The following COL4A6 variants were observed in gnomAD, a reference collection of about 807,000 sequenced individuals.
The protein encoded by COL4A6 is collagen alpha-6(IV) chain.
COL4A6 carries 59 observed loss-of-function variants against 126.7 expected under a neutral mutation model. The ratio of observed to expected loss-of-function variants is 0.47; its 90% confidence interval spans 0.38 to 0.58. The LOEUF is 0.58. Among genes scored for constraint, COL4A6 ranks in the 20% least tolerant of loss-of-function variants. COL4A6 has a pLI of 0.00. For synonymous variants in COL4A6, 547 were observed against 496.6 expected (o/e 1.10, Z -1.35); for missense variants, 1,285 against 1,337.3 (o/e 0.96, Z 0.61).
intron 2 of COL4A6, among the ~76,000 whole-genome samples, chrX:108,328,596 G>A (rs1417982088): frequency 8.9e-6 from 1 of 111,938 alleles, no homozygotes; most frequent in Non-Finnish European, 1.9e-5. Context: ...AAATATTTCA[G>A]GGAGAAAAAA....
chrX:108,299,340 T>A (rs2038420959), intron 3 of COL4A6, among the ~76,000 whole-genome samples: 1 of 111,935 alleles, frequency 8.9e-6, no homozygotes. Context: ...GGCTCTGTTC[T>A]TAAAGCAAAG....
chrX:108,323,616 C>G (rs778933998), intron 2 of COL4A6, among the ~76,000 whole-genome samples: 5 of 111,855 alleles, frequency 4.5e-5, no homozygotes, highest in South Asian at 3.7e-4. Flanking sequence ...CCTGGAATAC[C>G]TTTCATGTTT....
At chrX:108,363,907 G>A (rs1569443785) in intron 2 of COL4A6, among the ~76,000 whole-genome samples, 1 of 110,648 alleles carries the variant, frequency 9.0e-6, no homozygotes, top group East Asian at 2.8e-4. Flanking sequence ...GTCTTGCTCT[G>A]TCACCCAGGC....
chrX:108,286,219 T>C (rs1357222994), intron 3 of COL4A6, among the ~76,000 whole-genome samples: 3 of 112,119 alleles, frequency 2.7e-5, no homozygotes, highest in African/African-American at 9.7e-5. Context: ...CGAAAGTATA[T>C]AGAAGTGTGG....
chrX:108,393,695 G>A (rs1440552126), intron 2 of COL4A6, among the ~76,000 whole-genome samples: 3 of 112,475 alleles, frequency 2.7e-5, no homozygotes, highest in African/African-American at 9.7e-5. Flanking sequence ...TCATAGCATG[G>A]TTGAAATTAT....
At chrX:108,217,992 A>G (rs1014505423) in intron 5 of COL4A6, among the ~76,000 whole-genome samples, 1 of 112,047 alleles carries the variant, frequency 8.9e-6, no homozygotes, top group Non-Finnish European at 1.9e-5. Context: ...CATTCTGCCA[A>G]GCAATGAAGC....
intron 2 of COL4A6, among the ~76,000 whole-genome samples, chrX:108,376,217 A>G (rs2040430358): frequency 1.8e-5 from 2 of 111,592 alleles, no homozygotes; most frequent in South Asian, 7.5e-4. Context: ...CAAGAGTGTT[A>G]TTTCTGAAGA....
chrX:108,256,663 T>C (rs1049893638), intron 3 of COL4A6, among the ~76,000 whole-genome samples: 15 of 111,176 alleles, frequency 1.3e-4, no homozygotes, highest in Non-Finnish European at 2.3e-4. Flanking sequence ...ATCAGCATCA[T>C]TTGGGAGCTT....
intron 3 of COL4A6, among the ~76,000 whole-genome samples, chrX:108,270,521 C>T (rs900178685): frequency 8.9e-6 from 1 of 112,209 alleles, no homozygotes; most frequent in African/African-American, 3.2e-5. Context: ...ATCAGGTAAC[C>T]TGGACTAATG....
chrX:108,428,231 C>A (rs1382540671), intron 2 of COL4A6, among the ~76,000 whole-genome samples: 1 of 111,946 alleles, frequency 8.9e-6, no homozygotes, highest in African/African-American at 3.2e-5. Context: ...TTGTGTTAGG[C>A]CGCATTCAAA....
chrX:108,229,898 T>C (rs1012158781), intron 3 of COL4A6, among the ~76,000 whole-genome samples: 2 of 112,069 alleles, frequency 1.8e-5, no homozygotes, highest in African/African-American at 6.5e-5. Flanking sequence ...TTCATGGCAG[T>C]GGAGACAGGG....
chrX:108,202,097 C>A (rs755215977), intron 13 of COL4A6, among the ~76,000 whole-genome samples: 1 of 111,363 alleles, frequency 9.0e-6, no homozygotes, highest in East Asian at 2.8e-4. Context: ...TCTTTCTGAT[C>A]TTCACAAGAC....
intron 3 of COL4A6, among the ~76,000 whole-genome samples, chrX:108,308,136 C>G (rs7061511): frequency 0.12 from 12,897 of 111,044 alleles, 832 homozygotes; most frequent in Non-Finnish European, 0.18. Flanking sequence ...ATCCCCTCAG[C>G]CACTCAGATG....
intron 2 of COL4A6, among the ~76,000 whole-genome samples, chrX:108,361,485 C>A (rs2040083029): frequency 9.0e-6 from 1 of 111,671 alleles, no homozygotes. Flanking sequence ...GAGCAATGAA[C>A]ACTTGTGGTA....
intron 3 of COL4A6, among the ~76,000 whole-genome samples, chrX:108,255,863 A>G (rs1427076377): frequency 9.0e-6 from 1 of 111,618 alleles, no homozygotes; most frequent in East Asian, 2.8e-4. Context: ...AAAATTAAGT[A>G]TCTTCAGCAT....
intron 14 of COL4A6, 141 bp downstream of exon 14, chrX:108,196,370 G>A (rs960371309): frequency 1.3e-5 from 7 of 521,670 alleles, no homozygotes; most frequent in Admixed American, 9.0e-5. Context: ...AGAGAAGGAG[G>A]TCTTAGGAAC....
intron 25 of COL4A6, 87 bp downstream of exon 25, chrX:108,180,428 A>G (rs989728719): frequency 1.2e-6 from 1 of 818,697 alleles, no homozygotes; most frequent in Admixed American, 3.5e-5. Context: ...TTGGCAGAGG[A>G]CTACCACAAC....
chrX:108,334,157 G>A (rs1191611741), intron 2 of COL4A6, among the ~76,000 whole-genome samples: 1 of 111,816 alleles, frequency 8.9e-6, no homozygotes, highest in Non-Finnish European at 1.9e-5. Context: ...ATACTGCGAA[G>A]TCTCCTGATT....
At chrX:108,244,190 C>T (rs2036654406) in intron 3 of COL4A6, among the ~76,000 whole-genome samples, 1 of 108,618 alleles carries the variant, frequency 9.2e-6, no homozygotes, top group South Asian at 4.1e-4. Flanking sequence ...CCAAGCAAGG[C>T]TGGGCTGCCA....
Sources: allele counts gnomAD v4.1 joint callset (sites outside exome capture counted in the v4.1 genomes callset), GRCh38; gene constraint gnomAD v4.1.1; transcripts MANE v1.5; gene names NCBI Gene and HGNC (gene_info 2026-07-23, HGNC 2026-07-21).